The following CTNNA2 variants were observed in gnomAD, a reference collection of about 807,000 sequenced individuals.
CTNNA2 encodes catenin alpha-2.
In CTNNA2, 42 loss-of-function variants were observed where a neutral mutation model predicts 101.0. The observed-to-expected ratio is 0.42, with a 90% CI of 0.32 to 0.54. CTNNA2 has a LOEUF of 0.54. Among genes scored for constraint, CTNNA2 ranks in the 20% least tolerant of loss-of-function variants. CTNNA2 has a pLI of 0.14. For synonymous variants in CTNNA2, 450 were observed against 456.4 expected (o/e 0.99, Z 0.18); for missense variants, 871 against 1,223.1 (o/e 0.71, Z 4.29).
In CTNNA2 at chr2:80,555,611, C is replaced by T. The variant is rs974764983; in HGVS notation, c.1541-82C>T. On this transcript the variant is annotated intron_variant, in intron 11 of 18. Coordinates refer to ENST00000402739, the MANE Select transcript of CTNNA2 (RefSeq NM_001282597.3). Reference sequence around the variant, plus strand: ...CATTGAGATGTGTCCAAGGCAAGGGCTCATGAGAGTTGAATCAATTTTAAT... The same window carrying T: ...CATTGAGATGTGTCCAAGGCAAGGGTTCATGAGAGTTGAATCAATTTTAAT... 6 of 751,258 alleles carry T rather than the reference C, an allele frequency of 8.0e-6. No homozygotes were observed. The Admixed American group carries it at 8.9e-5, about 11-fold the overall frequency. 46.5% of individuals were successfully genotyped at this position (751,258 alleles called of 1,614,324 possible).
intron 7 of CTNNA2, among the ~76,000 whole-genome samples, chr2:80,277,030 T>G (rs1021377484): frequency 1.3e-5 from 2 of 151,956 alleles, no homozygotes; most frequent in African/African-American, 4.8e-5. Flanking sequence ...TGAAGAAAAA[T>G]TTGGAGGTTC....
intron 1 of CTNNA2, among the ~76,000 whole-genome samples, chr2:79,569,914 G>T (rs954475522): frequency 1.3e-5 from 2 of 152,100 alleles, no homozygotes; most frequent in African/African-American, 4.8e-5. Flanking sequence ...TGTGACTGTG[G>T]TCTATTATGA....
intron 7 of CTNNA2, among the ~76,000 whole-genome samples, chr2:80,384,868 C>T (rs1676856860): frequency 6.6e-6 from 1 of 151,962 alleles, no homozygotes; most frequent in African/African-American, 2.4e-5. Context: ...GTTACTGCGG[C>T]TTAGTATTTT....
chr2:79,374,217 C>T (rs1451659250), intron 4 of CTNNA2, among the ~76,000 whole-genome samples: 1 of 152,174 alleles, frequency 6.6e-6, no homozygotes, highest in Non-Finnish European at 1.5e-5. Context: ...GTAAAACCTT[C>T]TGTGGAAGTC....
chr2:79,343,754 ATTATTTG>A, intron 3 of CTNNA2, among the ~76,000 whole-genome samples: 1 of 102,062 alleles, frequency 9.8e-6, no homozygotes, highest in African/African-American at 3.5e-5. Context: ...TATTATTATT[ATTATTTG>A]CTACAAAGAA....
chr2:80,470,428 A>G lies in CTNNA2; in HGVS notation c.1290+50827A>G, dbSNP rs549698499. ...TGCCAGTACAGAATTTCAAGGCATCAGAGTCATCCAAATTTGAATTCCAAA... is the reference window on the plus strand; with the variant it reads ...TGCCAGTACAGAATTTCAAGGCATCGGAGTCATCCAAATTTGAATTCCAAA... On this transcript the variant is annotated intron_variant, in intron 9 of 18. Coordinates refer to ENST00000402739, the MANE Select transcript of CTNNA2 (RefSeq NM_001282597.3). Among the ~76,000 whole-genome samples the G allele has an allele frequency of 3.3e-5, 5 of 152,270 alleles. No homozygotes were observed. The South Asian group carries it at 8.3e-4, about 25-fold the overall frequency.
chr2:80,159,590 G>C (rs977217093), intron 7 of CTNNA2, among the ~76,000 whole-genome samples: 2 of 151,970 alleles, frequency 1.3e-5, no homozygotes, highest in African/African-American at 4.8e-5. Flanking sequence ...AATTTCTCCT[G>C]CCTCAGCCTC....
chr2:80,252,532 A>C (rs1275858679), intron 7 of CTNNA2, among the ~76,000 whole-genome samples: 1 of 152,154 alleles, frequency 6.6e-6, no homozygotes, highest in Non-Finnish European at 1.5e-5. Flanking sequence ...GTTAAACAAC[A>C]TGCAGTGATA....
chr2:79,735,128 C>G (rs912952336), intron 2 of CTNNA2, among the ~76,000 whole-genome samples: 12 of 151,676 alleles, frequency 7.9e-5, no homozygotes, highest in African/African-American at 2.4e-4. Flanking sequence ...AAATGTTTCT[C>G]TCATGTAAGC....
chr2:80,077,035 G>A (rs1465212059), intron 7 of CTNNA2, among the ~76,000 whole-genome samples: 1 of 152,098 alleles, frequency 6.6e-6, no homozygotes, highest in Non-Finnish European at 1.5e-5. Flanking sequence ...GACAGAGTGA[G>A]ACTCTGTCTC....
chr2:80,349,380 G>T (rs912837046), intron 7 of CTNNA2, among the ~76,000 whole-genome samples: 1 of 152,128 alleles, frequency 6.6e-6, no homozygotes, highest in Non-Finnish European at 1.5e-5. Flanking sequence ...ATTCGTTTGT[G>T]TATTGGGGAT....
intron 9 of CTNNA2, among the ~76,000 whole-genome samples, chr2:80,490,287 C>CG (rs1330784785): frequency 1.1e-5 from 1 of 94,078 alleles, no homozygotes; most frequent in Non-Finnish European, 1.9e-5. Flanking sequence ...CCCACCCCCC[C>CG]CCCGGTAAAG....
At chr2:79,811,633 A>G (rs932583823) in intron 3 of CTNNA2, among the ~76,000 whole-genome samples, 1 of 152,182 alleles carries the variant, frequency 6.6e-6, no homozygotes, top group African/African-American at 2.4e-5. Context: ...TTGTATCTTT[A>G]TAAGAATCTT....
intron 2 of CTNNA2, among the ~76,000 whole-genome samples, chr2:79,199,115 T>C (rs1414388268): frequency 1.3e-5 from 2 of 152,244 alleles, no homozygotes; most frequent in Non-Finnish European, 2.9e-5. Context: ...AGTTGTAAAA[T>C]AGCTCCCATA....
chr2:80,355,132 G>A (rs1200046000), intron 7 of CTNNA2, among the ~76,000 whole-genome samples: 1 of 152,112 alleles, frequency 6.6e-6, no homozygotes, highest in East Asian at 1.9e-4. Context: ...CTTCCTAATT[G>A]TAGCAGACAT....
chr2:80,103,240 G>T (rs1344490003), intron 7 of CTNNA2, among the ~76,000 whole-genome samples: 1 of 152,156 alleles, frequency 6.6e-6, no homozygotes, highest in African/African-American at 2.4e-5. Context: ...TGGGGTGTCA[G>T]AAAATCTGGT....
chr2:79,318,550 G>A (rs1167307256), intron 3 of CTNNA2, among the ~76,000 whole-genome samples: 1 of 152,108 alleles, frequency 6.6e-6, no homozygotes, highest in Non-Finnish European at 1.5e-5. Flanking sequence ...TCATTATTAT[G>A]TGCTTATATC....
Position 79,639,133 on chromosome 2 carries a change from G to T in CTNNA2, c.-5-12419G>T, listed in dbSNP as rs1373023213. On this transcript the variant is annotated intron_variant, in intron 1 of 18. Transcript: ENST00000402739. ...TCTAAATGCCAAGTTGAAATGAAAT[G>T]ATTTAATGGTCCCAGAGATGCCCAT... 2.0e-5 allele frequency among the ~76,000 whole-genome samples: 3 copies of T among 152,288 alleles called. 1 individual carries two copies. Among genetic ancestry groups the T allele is most frequent in the South Asian group, 4.1e-4 (2 of 4,822 alleles).
rs148584609 is a variant in CTNNA2, at chr2:80,512,905, T to C, written c.1291-32077T>C. On this transcript the variant is annotated intron_variant, in intron 9 of 18. Coordinates refer to ENST00000402739, the MANE Select transcript of CTNNA2 (RefSeq NM_001282597.3). ...TTGTAATCTTTAAGCTTTTTTGGCA[T>C]CCACCAAGAATCAATTTTTGTCCCT... Among the ~76,000 whole-genome samples the C allele has an allele frequency of 5.5e-4, 84 of 152,276 alleles. No individual in the cohort carries two copies. The East Asian group carries it at 0.015, about 27-fold the overall frequency.
Sources: allele counts gnomAD v4.1 joint callset (sites outside exome capture counted in the v4.1 genomes callset), GRCh38; gene constraint gnomAD v4.1.1; transcripts MANE v1.5; gene names NCBI Gene and HGNC (gene_info 2026-07-23, HGNC 2026-07-21).